NPSR1: variants seen among roughly 807,000 people sequenced by gnomAD.
NPSR1 encodes neuropeptide S receptor.
Under a neutral mutation model 46.9 loss-of-function variants are expected in NPSR1, and 48 were observed. The observed-to-expected ratio is 1.02, with a 90% confidence interval of 0.81 to 1.30. NPSR1 has a LOEUF of 1.30. Ranked by LOEUF, NPSR1 falls within the 50% of genes most tolerant of loss-of-function variation. NPSR1 has a pLI of 0.00. For missense variants in NPSR1, 450 were observed against 449.5 expected, an observed-to-expected ratio of 1.00 and a Z score of -0.01; for synonymous variants, 176 against 168.1, an observed-to-expected ratio of 1.05 and a Z score of -0.36.
At chr7:34,725,516 A>G (rs1284926883) in intron 2 of NPSR1, among the ~76,000 whole-genome samples, 1 of 152,194 alleles carries the variant, frequency 6.6e-6, no homozygotes, top group Non-Finnish European at 1.5e-5. Flanking sequence ...GGCAAGACTC[A>G]TATATAAGTT....
chr7:34,811,347 T>C (rs534925830), intron 3 of NPSR1, among the ~76,000 whole-genome samples: 1 of 152,288 alleles, frequency 6.6e-6, no homozygotes, highest in African/African-American at 2.4e-5. Flanking sequence ...TGTCCCCAGC[T>C]GAACTCTTCT....
At chr7:34,803,732 A>C (rs958983646) in intron 3 of NPSR1, among the ~76,000 whole-genome samples, 2 of 148,710 alleles carry the variant, frequency 1.3e-5, no homozygotes, top group Non-Finnish European at 3.0e-5. Context: ...ATAAAATAAA[A>C]TTTAAAAAAA....
intron 4 of NPSR1, among the ~76,000 whole-genome samples, chr7:34,823,333 G>C (rs1407599434): frequency 6.8e-6 from 1 of 148,048 alleles, no homozygotes; most frequent in Admixed American, 6.8e-5. Context: ...CGGAGGTTGC[G>C]GTGAGTGGAG....
At chr7:34,817,653 G>A (rs1436882865) in intron 4 of NPSR1, among the ~76,000 whole-genome samples, 12 of 146,656 alleles carry the variant, frequency 8.2e-5, no homozygotes, top group Non-Finnish European at 1.3e-4. Flanking sequence ...GATGAACATC[G>A]ATGTGAAAAT....
intron 2 of NPSR1, among the ~76,000 whole-genome samples, chr7:34,693,333 TA>T (rs35568045): frequency 0.55 from 82,656 of 151,452 alleles, 24,094 homozygotes; most frequent in African/African-American, 0.76. Context: ...ACTATAGAAA[TA>T]AAAAAAAATC....
At chr7:34,819,304 C>G (rs916582839) in intron 4 of NPSR1, among the ~76,000 whole-genome samples, 1 of 152,162 alleles carries the variant, frequency 6.6e-6, no homozygotes, top group African/African-American at 2.4e-5. Flanking sequence ...AGCCAACAGA[C>G]ACATGAAAAA....
At position 34,870,867 on chromosome 7, in the gene NPSR1, C is replaced by CATGGATGGATGGATGGATGG. The variant is rs56324222; in HGVS notation, c.1026-7193_1026-7174dup. On this transcript the variant is annotated intron_variant, in intron 8 of 8. Coordinates refer to the NPSR1 transcript ENST00000359791. ...AGCTTAATCAGGAAGAAGTGGGTAA[C>CATGGATGGATGGATGGATGG]ATGGATGGATGGATGGATGGATGGA... 7.8e-4 allele frequency among the ~76,000 whole-genome samples: 114 copies of CATGGATGGATGGATGGATGG among 145,752 alleles called. 1 individual carries two copies. The highest frequency in any genetic ancestry group is 2.7e-3 in the African/African-American group (101 of 36,940).
intron 2 of NPSR1, among the ~76,000 whole-genome samples, chr7:34,732,802 T>C (rs1394928310): frequency 6.6e-6 from 1 of 152,218 alleles, no homozygotes; most frequent in Non-Finnish European, 1.5e-5. Flanking sequence ...TCTGTTCAGG[T>C]ATTTATCAGC....
rs1182159789 is a variant in NPSR1, at chr7:34,870,902, GAATGGATGGATGGATA to G, written c.1026-7173_1026-7158del. 6.9e-4 allele frequency among the ~76,000 whole-genome samples: 97 copies of G among 141,458 alleles called. 4 individuals are homozygous for G. The highest frequency in any genetic ancestry group is 2.6e-3 in the African/African-American group (88 of 34,322). The allele number at this position is 141,458 out of a possible 152,430, so 92.8% of individuals were successfully genotyped here. Reference sequence around the variant, plus strand: ...TGGATGGATGGATGGATGGATGGATGAATGGATGGATGGATAGATGGATGGATGGATAGATGGATGG... The same window carrying G: ...TGGATGGATGGATGGATGGATGGATGGATGGATGGATGGATAGATGGATGG... On this transcript the variant is annotated intron_variant, in intron 8 of 8. Coordinates refer to the NPSR1 transcript ENST00000359791.
chr7:34,660,732 A>G (rs1791413607), intron 1 of NPSR1, among the ~76,000 whole-genome samples: 1 of 152,154 alleles, frequency 6.6e-6, no homozygotes, highest in African/African-American at 2.4e-5. Context: ...TTTAATTCTC[A>G]CAATCCATGG....
At chr7:34,720,295 G>C (rs546416089) in intron 2 of NPSR1, among the ~76,000 whole-genome samples, 63 of 150,726 alleles carry the variant, frequency 4.2e-4, no homozygotes, top group African/African-American at 1.5e-3. Flanking sequence ...AAAAAAGGGA[G>C]CCAGACAAAG....
intron 2 of NPSR1, among the ~76,000 whole-genome samples, chr7:34,725,529 C>T (rs375993652): frequency 9.2e-5 from 14 of 152,172 alleles, no homozygotes; most frequent in African/African-American, 2.7e-4. Flanking sequence ...TATAAGTTAA[C>T]GCATCCCAGA....
chr7:34,677,415 A>C, intron 1 of NPSR1, among the ~76,000 whole-genome samples: 1 of 152,222 alleles, frequency 6.6e-6, no homozygotes, highest in South Asian at 2.1e-4. Context: ...AAAGAGAGAT[A>C]TAGTCTGAAA....
At chr7:34,812,915 T>C (rs1194878052) in intron 4 of NPSR1, among the ~76,000 whole-genome samples, 1 of 152,166 alleles carries the variant, frequency 6.6e-6, no homozygotes, top group African/African-American at 2.4e-5. Context: ...GGGAAGCAAA[T>C]TTAATAGAAG....
chr7:34,695,224 C>A (rs1793459169), intron 2 of NPSR1, among the ~76,000 whole-genome samples: 1 of 152,204 alleles, frequency 6.6e-6, no homozygotes, highest in East Asian at 1.9e-4. Context: ...GGAAAGGACA[C>A]CTTATTCAAT....
chr7:34,728,469 C>T (rs1784267502), intron 2 of NPSR1, among the ~76,000 whole-genome samples: 1 of 152,136 alleles, frequency 6.6e-6, no homozygotes, highest in Non-Finnish European at 1.5e-5. Context: ...CCTCATCCCC[C>T]GACAAAGCTC....
intron 8 of NPSR1, among the ~76,000 whole-genome samples, chr7:34,875,640 G>A (rs569846688): frequency 3.5e-3 from 526 of 152,278 alleles, no homozygotes; most frequent in African/African-American, 0.012. Context: ...CCAGCTGTGC[G>A]GAGTCATGCT....
intron 2 of NPSR1, among the ~76,000 whole-genome samples, chr7:34,737,578 C>T (rs371452083): frequency 1.3e-5 from 2 of 152,070 alleles, no homozygotes; most frequent in Non-Finnish European, 2.9e-5. Context: ...AACCGAGGGT[C>T]GATTATTTGA....
In NPSR1 at chr7:34,696,475, C is replaced by A. The variant is rs139094892; in HGVS notation, c.280+11791C>A. On this transcript the variant is annotated intron_variant, in intron 2 of 8. Coordinates refer to ENST00000360581, the MANE Select transcript of NPSR1 (RefSeq NM_207172.2). The stretch of plus-strand genomic sequence containing the variant: ...CTGTGTAAAAAACTGCACACATATG[C>A]CTGGAATCTAAAATTTTAAAATAAT... Among the ~76,000 whole-genome samples the A allele has an allele frequency of 9.2e-5, 14 of 152,008 alleles. No homozygotes were observed. The East Asian group carries it at 2.7e-3, about 29-fold the overall frequency.
Sources: allele counts gnomAD v4.1 joint callset (sites outside exome capture counted in the v4.1 genomes callset), GRCh38; gene constraint gnomAD v4.1.1; transcripts MANE v1.5; gene names NCBI Gene and HGNC (gene_info 2026-07-23, HGNC 2026-07-21).